Variants in AUNIP observed in about 807,000 individuals in gnomAD.
AUNIP encodes aurora kinase A and ninein interacting protein, also known as aurora kinase A- and ninein-interacting protein.
AUNIP carries 16 observed loss-of-function variants against 12.2 expected under a neutral mutation model. The observed-to-expected ratio is 1.31, with a 90% confidence interval of 0.88 to 1.99. The LOEUF is 1.99. Among genes scored for constraint, AUNIP ranks in the 30% most tolerant of loss-of-function variants. The pLI is 0.00. For synonymous variants in AUNIP, 142 were observed against 154.8 expected, an observed-to-expected ratio of 0.92 and a Z score of 0.61; for missense variants, 411 against 419.1, an observed-to-expected ratio of 0.98 and a Z score of 0.17.
At chr1:25,836,196 TTTTA>T (rs1299341727) in intron 2 of AUNIP, among the ~76,000 whole-genome samples, 1 of 152,246 alleles carries the variant, frequency 6.6e-6, no homozygotes, top group Non-Finnish European at 1.5e-5. Context: ...TGCTTTTGTT[TTTTA>T]TTTAATGTGG....
At position 25,847,869 on chromosome 1, in the gene AUNIP, C is replaced by T. The variant is rs1396984168; in HGVS notation, c.79-10315G>A. Among the ~76,000 whole-genome samples the T allele has an allele frequency of 2.0e-5, 3 of 151,994 alleles. No individual in the cohort carries two copies. The highest frequency in any genetic ancestry group is 2.9e-5 in the Non-Finnish European group (2 of 67,994). On this transcript the variant is annotated intron_variant, in intron 1 of 2. Coordinates refer to ENST00000374298, the MANE Select transcript of AUNIP (RefSeq NM_024037.3). This position sits in a 1 kb window ranked among gnomAD's most constrained non-coding sequence, Gnocchi z 4.2. ...CTGAGGTGAGAGAATCGATTGAGCC[C>T]GGGAGGCAGAGGTTGCAGTGAGCCA...
chr1:25,840,887 A>G (rs548481755), intron 1 of AUNIP, among the ~76,000 whole-genome samples: 1 of 152,362 alleles, frequency 6.6e-6, no homozygotes, highest in East Asian at 1.9e-4. Context: ...CTGGGAAGAT[A>G]GCGATGAACA....
chr1:25,832,044 A>C (rs772890946), downstream of AUNIP: 9 of 1,614,114 alleles, frequency 5.6e-6, no homozygotes, highest in Non-Finnish European at 6.8e-6. Flanking sequence ...CAGCTCTGCA[A>C]ACTCAGTCTC....
chr1:25,833,625 T>C (rs1469001314), downstream of AUNIP, among the ~76,000 whole-genome samples: 1 of 152,018 alleles, frequency 6.6e-6, no homozygotes, highest in Non-Finnish European at 1.5e-5. Flanking sequence ...CATGGTGGCA[T>C]GTGCCTATAG....
intron 1 of AUNIP, among the ~76,000 whole-genome samples, chr1:25,855,516 A>G (rs1201779869): frequency 1.3e-5 from 2 of 152,176 alleles, no homozygotes; most frequent in Non-Finnish European, 2.9e-5. Context: ...AAATGAAAGC[A>G]AATCTAGTAT....
At chr1:25,846,102 A>T (rs2048381337) in intron 1 of AUNIP, among the ~76,000 whole-genome samples, 2 of 152,192 alleles carry the variant, frequency 1.3e-5, no homozygotes, top group African/African-American at 2.4e-5. Context: ...GTCTACATCC[A>T]CTGGCATTAC....
intron 1 of AUNIP, among the ~76,000 whole-genome samples, chr1:25,844,361 A>G (rs927034785): frequency 6.6e-6 from 1 of 152,130 alleles, no homozygotes; most frequent in Non-Finnish European, 1.5e-5. Context: ...GGCCTCCCAA[A>G]GTGCTGGGAT....
chr1:25,836,978 T>C (rs147448714), intron 2 of AUNIP, among the ~76,000 whole-genome samples: 118 of 152,330 alleles, frequency 7.7e-4, no homozygotes, highest in African/African-American at 2.8e-3. Flanking sequence ...AAGCCAACTT[T>C]ATGTGAGGCT....
intron 2 of AUNIP, among the ~76,000 whole-genome samples, chr1:25,836,388 T>C (rs1451673041): frequency 3.9e-5 from 6 of 152,162 alleles, no homozygotes; most frequent in Admixed American, 6.5e-5. Flanking sequence ...AGGCATTTCA[T>C]TGGAAAGGGA....
rs1023055908 is a variant in AUNIP at position 25,847,303 on chromosome 1, C to T, written c.79-9749G>A. On this transcript the variant is annotated intron_variant, in intron 1 of 2. Transcript: ENST00000374298. This position sits in a 1 kb window ranked among gnomAD's most constrained non-coding sequence, Gnocchi z 4.2. ...TTGAGACGGAGTCTCACTCTGTCAC[C>T]GAGGCTGGACTGCAGTAGCGCGATA... Among the ~76,000 whole-genome samples the T allele has an allele frequency of 1.2e-4, 19 of 152,120 alleles. No homozygotes were observed. The highest frequency in any genetic ancestry group is 3.9e-4 in the African/African-American group (16 of 41,506).
Position 25,835,170 on chromosome 1 carries a change from G to A in AUNIP, c.897C>T (p.Ala299=), listed in dbSNP as rs1031077507. 1.2e-6 allele frequency: 2 copies of A among 1,614,052 alleles called. No homozygotes were observed. Among genetic ancestry groups the A allele is most frequent in the African/African-American group, 1.3e-5 (1 of 74,916 alleles). ...CTTGAAAAGGAGCTCTAGTGTTGTG[G>A]GCAATGACCCGCTGGCCTTGAGAAT... The part of the protein sequence containing the change: ...TEDSQGQRVI[A]HNTRAPFQDV... Residue 299 remains alanine (A), a synonymous_variant, in exon 3 of 3, where the codon GCC becomes GCT. Coordinates refer to ENST00000374298, the MANE Select transcript of AUNIP (RefSeq NM_024037.3).
intron 1 of AUNIP, among the ~76,000 whole-genome samples, chr1:25,840,094 TAGAAAC>T (rs1181776727): frequency 1.3e-5 from 2 of 152,048 alleles, no homozygotes; most frequent in Non-Finnish European, 2.9e-5. Flanking sequence ...AATCTGTTAA[TAGAAAC>T]AGACCCAGAA....
intron 2 of AUNIP, among the ~76,000 whole-genome samples, 158 bp from the exon 3 acceptor site, chr1:25,836,004 A>G (rs1254261665): frequency 6.6e-6 from 1 of 152,212 alleles, no homozygotes; most frequent in Admixed American, 6.5e-5. Flanking sequence ...TCCTGTTTTC[A>G]ATCTTGCCAG....
rs774077508 is a variant in AUNIP, at chr1:25,859,272, C to G, written c.78+8G>C. The G allele has an allele frequency of 5.1e-6, 8 of 1,572,920 alleles. No individual in the cohort carries two copies. Among genetic ancestry groups the G allele is most frequent in the Non-Finnish European group, 6.9e-6 (8 of 1,160,894 alleles). ...TTCCCAACGCCCTCTCATCCCCCAG[C>G]GTCCCACCTGCACTTTCCGCCTCTT... On this transcript the variant is annotated splice_region_variant and intron_variant, in intron 1 of 2. Transcript: ENST00000374298.
intron 1 of AUNIP, among the ~76,000 whole-genome samples, chr1:25,845,013 A>G (rs1398947528): frequency 6.6e-6 from 1 of 152,242 alleles, no homozygotes; most frequent in African/African-American, 2.4e-5. Flanking sequence ...GGGTCTCATC[A>G]TTATACATCT....
chr1:25,841,771 G>A (rs982182604), intron 1 of AUNIP, among the ~76,000 whole-genome samples: 14 of 152,050 alleles, frequency 9.2e-5, no homozygotes, highest in South Asian at 2.1e-4. Context: ...TGATCCGCCC[G>A]CCTCGGCCTC....
At chr1:25,833,885 G>C (rs768276622), downstream of AUNIP, 1 of 427,532 alleles carries the variant, frequency 2.3e-6, no homozygotes, top group Non-Finnish European at 3.1e-6. Flanking sequence ...TTGGGTAGAA[G>C]ACAGGTCAAA....
At chr1:25,841,746 G>A (rs1400950786) in intron 1 of AUNIP, among the ~76,000 whole-genome samples, 2 of 151,968 alleles carry the variant, frequency 1.3e-5, no homozygotes, top group African/African-American at 2.4e-5. Flanking sequence ...GGATGGTCTC[G>A]ATCTCCTGAC....
chr1:25,858,073 A>G (rs1319061795), intron 1 of AUNIP, among the ~76,000 whole-genome samples: 1 of 152,116 alleles, frequency 6.6e-6, no homozygotes, highest in Non-Finnish European at 1.5e-5. Flanking sequence ...AGGCTGAGGC[A>G]GGAGAATGGC....
Sources: allele counts gnomAD v4.1 joint callset (sites outside exome capture counted in the v4.1 genomes callset), GRCh38; gene constraint gnomAD v4.1.1; non-coding constraint Gnocchi (gnomAD v3.1); transcripts MANE v1.5; gene names NCBI Gene and HGNC (gene_info 2026-07-23, HGNC 2026-07-21).